METTL16: variants seen among roughly 807,000 people sequenced by gnomAD.
METTL16 encodes the protein RNA N(6)-adenosine-methyltransferase METTL16.
In METTL16, 19 loss-of-function variants were observed where a neutral mutation model predicts 57.9. The ratio of observed to expected loss-of-function variants is 0.33; its 90% CI spans 0.23 to 0.48. METTL16 has a LOEUF of 0.48. Among genes scored for constraint, METTL16 ranks in the 20% least tolerant of loss-of-function variants. METTL16 has a pLI of 0.99. For missense variants in METTL16, 434 were observed against 691.5 expected, an observed-to-expected ratio of 0.63 and a Z score of 4.18; for synonymous variants, 246 against 255.6, an observed-to-expected ratio of 0.96 and a Z score of 0.36.
intron 6 of METTL16, among the ~76,000 whole-genome samples, chr17:2,450,848 G>A (rs981596937): frequency 6.6e-6 from 1 of 152,008 alleles, no homozygotes; most frequent in African/African-American, 2.4e-5. Context: ...ACTACAAGAT[G>A]AATTTTCAAG....
intron 7 of METTL16, among the ~76,000 whole-genome samples, chr17:2,441,256 C>T (rs2066949521): frequency 6.6e-6 from 1 of 152,088 alleles, no homozygotes; most frequent in Non-Finnish European, 1.5e-5. Context: ...CACATGGAAG[C>T]AAAGTATGGA....
At chr17:2,473,456 G>A (rs897423550) in intron 4 of METTL16, 68 bp downstream of exon 4, 2 of 1,507,550 alleles carry the variant, frequency 1.3e-6, no homozygotes, top group Non-Finnish European at 1.8e-6. Flanking sequence ...AAAAGGTAAT[G>A]AAATGCGTTA....
At chr17:2,447,132 C>T (rs1186623489) in intron 6 of METTL16, among the ~76,000 whole-genome samples, 36 of 138,824 alleles carry the variant, frequency 2.6e-4, no homozygotes, top group Non-Finnish European at 3.7e-4. Context: ...ATCTAGGAAG[C>T]GAGGAGCGCC....
Position 2,419,886 on chromosome 17 carries a change from C to T in METTL16, c.*84G>A, listed in dbSNP as rs979029773. On this transcript the variant is annotated 3_prime_UTR_variant, in exon 10 of 10. Coordinates refer to ENST00000263092, the MANE Select transcript of METTL16 (RefSeq NM_024086.4). ...AATTCCACATCGTGCTACTAATGGG[C>T]CGCTGGTAGGATTCCTCTTGCCACC... The T allele has an allele frequency of 3.3e-6, 5 of 1,506,700 alleles. No individual in the cohort carries two copies. In the Admixed American group the frequency reaches 8.9e-5, roughly 27 times the overall value. 93.3% of individuals were successfully genotyped at this position (1,506,700 alleles called of 1,614,324 possible). A position where few individuals can be genotyped will look rare whatever the true frequency, so the allele number is the denominator to read the frequency against.
chr17:2,479,232 T>A (rs942265036), intron 2 of METTL16, among the ~76,000 whole-genome samples: 1 of 151,858 alleles, frequency 6.6e-6, no homozygotes, highest in African/African-American at 2.4e-5. Flanking sequence ...CACGGTGTGA[T>A]CATGGCTCAC....
intron 3 of METTL16, among the ~76,000 whole-genome samples, chr17:2,476,747 G>C (rs1419862838): frequency 6.6e-6 from 1 of 152,086 alleles, no homozygotes; most frequent in Non-Finnish European, 1.5e-5. Context: ...CCTGACGTCA[G>C]GAGTTTGAGA....
chr17:2,434,416 T>G (rs2066895424), intron 8 of METTL16, among the ~76,000 whole-genome samples: 1 of 152,178 alleles, frequency 6.6e-6, no homozygotes, highest in South Asian at 2.1e-4. Flanking sequence ...GGTTTCATCA[T>G]GTTGGCCAGG....
chr17:2,448,781 TAAAAAAATAAAAATAAAATTTAAA>T (rs2067040837), intron 6 of METTL16, among the ~76,000 whole-genome samples: 1 of 33,696 alleles, frequency 3.0e-5, no homozygotes, highest in Non-Finnish European at 6.7e-5. Flanking sequence ...AATAAAAAAA[TAAAAAAATAAAAATAAAATTTAAA>T]AAAAAAAAAA....
chr17:2,436,338 C>T (rs930059052), intron 8 of METTL16, among the ~76,000 whole-genome samples: 2 of 152,156 alleles, frequency 1.3e-5, no homozygotes, highest in African/African-American at 4.8e-5. Flanking sequence ...GTCTACCCTT[C>T]ATGGAAGGGC....
intron 8 of METTL16, among the ~76,000 whole-genome samples, chr17:2,433,186 T>G (rs1055356025): frequency 1.3e-5 from 2 of 152,204 alleles, no homozygotes; most frequent in Admixed American, 6.6e-5. Flanking sequence ...GGAACTGGGC[T>G]GGGTTGCAGT....
intron 2 of METTL16, among the ~76,000 whole-genome samples, chr17:2,491,981 G>T (rs1180913329): frequency 6.6e-6 from 1 of 151,036 alleles, no homozygotes; most frequent in Non-Finnish European, 1.5e-5. Context: ...GGAGGCCAAG[G>T]CTGACGGATC....
intron 8 of METTL16, among the ~76,000 whole-genome samples, chr17:2,435,802 G>C (rs113783469): frequency 3.3e-5 from 5 of 151,012 alleles, no homozygotes; most frequent in Non-Finnish European, 5.9e-5. Context: ...ACTCTGGTAG[G>C]GGGGGAATCT....
At chr17:2,429,179 A>G (rs1162695863) in intron 8 of METTL16, among the ~76,000 whole-genome samples, 1 of 144,198 alleles carries the variant, frequency 6.9e-6, no homozygotes, top group Non-Finnish European at 1.5e-5. Context: ...TTTAAAACTG[A>G]TAAAGCAAAA....
rs1482445438 is a variant in METTL16, at chr17:2,448,777, AAAAT to A, written c.729-7222_729-7219del. ...TAAAATAAAAAAAATAAAAAATAAA[AAAAT>A]AAAAAAATAAAAATAAAATTTAAAA... On this transcript the variant is annotated intron_variant, in intron 6 of 9. Coordinates refer to ENST00000263092, the MANE Select transcript of METTL16 (RefSeq NM_024086.4). Among the ~76,000 whole-genome samples, 162 of 113,236 alleles carry A rather than the reference AAAAT, an allele frequency of 1.4e-3. 1 individual carries two copies. The highest frequency in any genetic ancestry group is 2.2e-3 in the Non-Finnish European group (135 of 61,138). The allele number at this position is 113,236 out of a possible 152,430, so 74.3% of individuals were successfully genotyped here. A position where few individuals can be genotyped will look rare whatever the true frequency, so the allele number is the denominator to read the frequency against.
Position 2,416,776 on chromosome 17 carries a change from T to C in METTL16, c.*3194A>G, listed in dbSNP as rs8069709. Reference sequence around the variant, plus strand: ...AACCCCGCAACATGAATGTGACCTCTGGACACCGGGAGAGTAACACTCAAG... The same window carrying C: ...AACCCCGCAACATGAATGTGACCTCCGGACACCGGGAGAGTAACACTCAAG... On this transcript the variant is annotated 3_prime_UTR_variant, in exon 10 of 10. Coordinates refer to ENST00000263092, the MANE Select transcript of METTL16 (RefSeq NM_024086.4). 118,837 of 152,098 alleles carry C rather than the reference T, an allele frequency of 0.78. 47,527 individuals are homozygous for C. The highest frequency in any genetic ancestry group is 0.98 in the East Asian group (5,038 of 5,166). The allele number at this position is 152,098 out of a possible 1,614,324, so 9.4% of individuals were successfully genotyped here.
intron 2 of METTL16, among the ~76,000 whole-genome samples, chr17:2,498,243 C>G (rs1381455907): frequency 3.4e-5 from 5 of 148,968 alleles, no homozygotes; most frequent in Admixed American, 6.7e-5. Flanking sequence ...GAAACCCCGT[C>G]TCTACTAAAA....
At chr17:2,450,395 C>T (rs2067059959) in intron 6 of METTL16, among the ~76,000 whole-genome samples, 2 of 152,152 alleles carry the variant, frequency 1.3e-5, no homozygotes, top group South Asian at 4.1e-4. Flanking sequence ...CTAGAACACA[C>T]AAAACTGTTG....
rs935645207 is a variant in METTL16 at position 2,417,600 on chromosome 17, C to T, written c.*2370G>A. On this transcript the variant is annotated 3_prime_UTR_variant, in exon 10 of 10. Coordinates refer to ENST00000263092, the MANE Select transcript of METTL16 (RefSeq NM_024086.4). The stretch of plus-strand genomic sequence containing the variant: ...GTAAGCTAATACACTACTGTTACAA[C>T]ATGGACAAATACTTGTAAGATGTTA... 3 of 152,202 alleles carry T rather than the reference C, an allele frequency of 2.0e-5. No homozygotes were observed. Among genetic ancestry groups the T allele is most frequent in the African/African-American group, 7.2e-5 (3 of 41,444 alleles). The allele number at this position is 152,202 out of a possible 1,614,324, so 9.4% of individuals were successfully genotyped here. A position where few individuals can be genotyped will look rare whatever the true frequency, so the allele number is the denominator to read the frequency against.
intron 6 of METTL16, among the ~76,000 whole-genome samples, chr17:2,447,139 C>T (rs927658686): frequency 7.0e-6 from 1 of 142,914 alleles, no homozygotes; most frequent in Admixed American, 6.7e-5. Context: ...AAGCGAGGAG[C>T]GCCTCTTCCC....
Sources: gnomAD v4.1 joint callset for allele counts (sites outside exome capture counted in the v4.1 genomes callset) on GRCh38, gnomAD v4.1.1 for gene constraint, MANE v1.5 for transcripts, NCBI Gene and HGNC (gene_info 2026-07-23, HGNC 2026-07-21) for gene names.